Variants in INPP4B observed in about 807,000 individuals in gnomAD.
The protein encoded by INPP4B is inositol polyphosphate-4-phosphatase type II B.
In INPP4B, 55 loss-of-function variants were observed where a neutral mutation model predicts 122.5. The observed-to-expected ratio is 0.45, with a 90% CI of 0.36 to 0.56. INPP4B has a LOEUF of 0.56. Among genes scored for constraint, INPP4B ranks in the 20% least tolerant of loss-of-function variants. The pLI is 0.00. For synonymous variants in INPP4B, 403 were observed against 388.7 expected, an observed-to-expected ratio of 1.04 and a Z score of -0.43; for missense variants, 1,000 against 1,097.7, an observed-to-expected ratio of 0.91 and a Z score of 1.26.
intron 9 of INPP4B, among the ~76,000 whole-genome samples, chr4:142,299,479 G>A (rs2151096104): frequency 6.6e-6 from 1 of 151,360 alleles, no homozygotes; most frequent in South Asian, 2.1e-4. Flanking sequence ...AGAAAAAAAT[G>A]TAGTGTTTTG....
At chr4:142,767,174 A>C (rs553176490) in intron 1 of INPP4B, among the ~76,000 whole-genome samples, 5 of 152,194 alleles carry the variant, frequency 3.3e-5, no homozygotes, top group Admixed American at 6.5e-5. Context: ...AAGTTACAAT[A>C]CTTTAATGTT....
At chr4:142,439,714 T>G (rs1313555836) in intron 3 of INPP4B, among the ~76,000 whole-genome samples, 1 of 152,162 alleles carries the variant, frequency 6.6e-6, no homozygotes, top group East Asian at 1.9e-4. Flanking sequence ...TAGCCAAAAT[T>G]TAAAACTCTC....
chr4:142,029,738 T>G, intron 25 of INPP4B: 2 of 991,968 alleles, frequency 2.0e-6, no homozygotes, highest in Non-Finnish European at 2.4e-6. Flanking sequence ...GTCTGCAACC[T>G]CCCACATCTC....
At chr4:142,707,567 C>T (rs2150782023) in intron 2 of INPP4B, among the ~76,000 whole-genome samples, 1 of 152,336 alleles carries the variant, frequency 6.6e-6, no homozygotes, top group South Asian at 2.1e-4. Flanking sequence ...TAGCACCTCC[C>T]CCTTCACCCT....
Position 142,688,003 on chromosome 4 carries a change from C to T in INPP4B, c.-191+37836G>A, listed in dbSNP as rs80309325. On this transcript the variant is annotated intron_variant, in intron 2 of 25. Coordinates refer to ENST00000262992, the MANE Select transcript of INPP4B (RefSeq NM_001101669.3). ...CTTTGTGTTTTTGCCTTGAAAGAAA[C>T]ACAAATCTCACCTGAAAACACTATC... Among the ~76,000 whole-genome samples the T allele has an allele frequency of 8.8e-3, 1,344 of 152,196 alleles. 24 individuals carry two copies. The highest frequency in any genetic ancestry group is 0.031 in the African/African-American group (1,277 of 41,534).
At chr4:142,589,777 T>A (rs1407770229) in intron 2 of INPP4B, among the ~76,000 whole-genome samples, 1 of 152,124 alleles carries the variant, frequency 6.6e-6, no homozygotes, top group Non-Finnish European at 1.5e-5. Flanking sequence ...CTTCCAAATA[T>A]TTACCCAACT....
intron 2 of INPP4B, among the ~76,000 whole-genome samples, chr4:142,688,133 T>C (rs945418509): frequency 1.3e-5 from 2 of 152,174 alleles, no homozygotes; most frequent in South Asian, 2.1e-4. Context: ...ATTATGATTA[T>C]TTTAGTTTTC....
chr4:142,192,740 A>T (rs1219203211), intron 15 of INPP4B, among the ~76,000 whole-genome samples: 2 of 152,178 alleles, frequency 1.3e-5, no homozygotes, highest in Non-Finnish European at 2.9e-5. Flanking sequence ...CATATTCTCC[A>T]TTCAGTATCT....
At chr4:142,289,787 C>G (rs1755536375) in intron 9 of INPP4B, among the ~76,000 whole-genome samples, 1 of 152,186 alleles carries the variant, frequency 6.6e-6, no homozygotes, top group Non-Finnish European at 1.5e-5. Context: ...CACAGCTTCC[C>G]CTATTCAGCG....
chr4:142,126,376 C>T (rs913869603), intron 18 of INPP4B, among the ~76,000 whole-genome samples: 5 of 151,974 alleles, frequency 3.3e-5, no homozygotes, highest in East Asian at 1.9e-4. Context: ...CAATCACTAT[C>T]GTACCATGTC....
intron 17 of INPP4B, 22 bp from the exon 18 acceptor site, chr4:142,146,018 C>A: frequency 6.3e-7 from 1 of 1,588,310 alleles, no homozygotes; most frequent in Non-Finnish European, 8.6e-7. Context: ...ATGAGTATCA[C>A]TACATATTTT....
Position 142,424,579 on chromosome 4 carries a change from T to C in INPP4B, c.136+4594A>G, listed in dbSNP as rs531014830. 9.9e-5 allele frequency among the ~76,000 whole-genome samples: 15 copies of C among 152,242 alleles called. No homozygotes were observed. The South Asian group carries it at 2.7e-3, about 27-fold the overall frequency. On this transcript the variant is annotated intron_variant, in intron 5 of 25. Transcript: ENST00000262992. ...GGCCATATTGTGCATATTATCCTGC[T>C]TTTAAAACTTTCATATTCTTTTGTG...
chr4:142,715,987 C>T (rs1361382042), intron 2 of INPP4B, among the ~76,000 whole-genome samples: 2 of 152,160 alleles, frequency 1.3e-5, no homozygotes, highest in Non-Finnish European at 2.9e-5. Context: ...TGGACTTTCT[C>T]ACAACATGAT....
At position 142,602,415 on chromosome 4, in the gene INPP4B, T is replaced by C. The variant is rs1039512591; in HGVS notation, c.-191+123424A>G. 2.0e-5 allele frequency among the ~76,000 whole-genome samples: 3 copies of C among 152,174 alleles called. No individual in the cohort carries two copies. The East Asian group carries it at 5.8e-4, about 29-fold the overall frequency. ...TGGCAATACTTTCCAAAATAATTTA[T>C]GGATTCAATGCTATTCCCACGAAAC... On this transcript the variant is annotated intron_variant, in intron 2 of 25. Coordinates refer to ENST00000262992, the MANE Select transcript of INPP4B (RefSeq NM_001101669.3).
intron 18 of INPP4B, among the ~76,000 whole-genome samples, chr4:142,139,818 A>T (rs1806794472): frequency 6.6e-6 from 1 of 152,182 alleles, no homozygotes; most frequent in Admixed American, 6.5e-5. Flanking sequence ...ACCAGCAGAC[A>T]GCTGTGCGTT....
chr4:142,383,431 T>C (rs938598085), intron 7 of INPP4B, among the ~76,000 whole-genome samples: 3 of 152,104 alleles, frequency 2.0e-5, no homozygotes, highest in Non-Finnish European at 4.4e-5. Context: ...GGCTATGAGG[T>C]TGTGGGTCAA....
At chr4:142,741,564 T>C (rs926754276) in intron 1 of INPP4B, among the ~76,000 whole-genome samples, 14 of 151,948 alleles carry the variant, frequency 9.2e-5, no homozygotes, top group African/African-American at 3.4e-4. Context: ...AAAGGAATAA[T>C]AGGATATTAA....
intron 7 of INPP4B, among the ~76,000 whole-genome samples, chr4:142,379,157 A>G (rs1287336339): frequency 6.6e-6 from 1 of 152,160 alleles, no homozygotes; most frequent in Non-Finnish European, 1.5e-5. Flanking sequence ...AAATATCACT[A>G]TAGGCCCCAT....
At chr4:142,624,361 G>A (rs1250077611) in intron 2 of INPP4B, among the ~76,000 whole-genome samples, 1 of 151,434 alleles carries the variant, frequency 6.6e-6, no homozygotes, top group Non-Finnish European at 1.5e-5. Context: ...CTGCATAAAT[G>A]TCTTCTTTTG....
Sources: gnomAD v4.1 joint callset for allele counts (sites outside exome capture counted in the v4.1 genomes callset) on GRCh38, gnomAD v4.1.1 for gene constraint, MANE v1.5 for transcripts, NCBI Gene and HGNC (gene_info 2026-07-23, HGNC 2026-07-21) for gene names.